RHBDF1: variants seen among roughly 807,000 people sequenced by gnomAD.
RHBDF1 encodes the protein inactive rhomboid protein 1.
RHBDF1 carries 80 observed loss-of-function variants against 98.6 expected under a neutral mutation model. The ratio of observed to expected loss-of-function variants is 0.81; its 90% CI spans 0.68 to 0.98. The LOEUF (loss-of-function observed/expected upper bound fraction) is 0.98. Ranked by LOEUF, RHBDF1 falls within the 50% of genes least tolerant of loss-of-function variation. The pLI is 0.00. For synonymous variants in RHBDF1, 512 were observed against 486.8 expected (o/e 1.05, Z -0.68); for missense variants, 1,116 against 1,198.3 (o/e 0.93, Z 1.01).
At chr16:69,574 T>G (rs1897918619) in intron 1 of RHBDF1, among the ~76,000 whole-genome samples, 1 of 151,988 alleles carries the variant, frequency 6.6e-6, no homozygotes, top group Admixed American at 6.6e-5. Context: ...AGCTCAATCC[T>G]AGATCTCCCT....
intron 1 of RHBDF1, among the ~76,000 whole-genome samples, chr16:67,909 G>T (rs571510825): frequency 6.6e-6 from 1 of 152,240 alleles, no homozygotes; most frequent in South Asian, 2.1e-4. Flanking sequence ...GAACAGTCAG[G>T]GGGTGAGAAG....
intron 13 of RHBDF1, 155 bp downstream of exon 13, chr16:60,061 T>C: frequency 6.7e-7 from 1 of 1,496,684 alleles, no homozygotes; most frequent in Non-Finnish European, 8.9e-7. Flanking sequence ...CAGGCGCTGG[T>C]TGATGGACAG....
At chr16:74,032 A>C (rs1898041265), upstream of RHBDF1, 4 of 722,866 alleles carry the variant, frequency 5.5e-6, no homozygotes, top group Non-Finnish European at 6.8e-6. Flanking sequence ...ATATCAACAC[A>C]ATTCTCATGT....
At position 64,066 on chromosome 16, in the gene RHBDF1, G is replaced by A. The variant is rs868823931; in HGVS notation, c.249-266C>T. Reference sequence around the variant, plus strand: ...GGCCCTCACCCCACCATCCCTGAGGGGCAGTTGAGGGGAGGCACTGAGTCC... The same window carrying A: ...GGCCCTCACCCCACCATCCCTGAGGAGCAGTTGAGGGGAGGCACTGAGTCC... On this transcript the variant is annotated intron_variant, in intron 3 of 17. Coordinates refer to ENST00000262316, the MANE Select transcript of RHBDF1 (RefSeq NM_022450.5). 7.0e-5 allele frequency: 45 copies of A among 642,934 alleles called. 2 individuals carry two copies. The highest frequency in any genetic ancestry group is 6.6e-4 in the South Asian group (37 of 55,890). The allele number at this position is 642,934 out of a possible 1,614,324, so 39.8% of individuals were successfully genotyped here. A position where few individuals can be genotyped will look rare whatever the true frequency, so the allele number is the denominator to read the frequency against.
rs1897598850 is a variant in RHBDF1 at position 61,141 on chromosome 16, C to G, written c.1536G>C (p.Gln512His). ...CVRNDRSGCV[Q>H]TSEEECSSTL... is the part of the protein sequence containing the mutation. ...GCACCGAGCACTCCTCCTCCGAGGT[C>G]TGCACGCAGCCCGACCTGTCGTTGC... Residue 512 changes from glutamine (Q) to histidine (H), a missense_variant, in exon 11 of 18, where the codon CAG becomes CAC. By Grantham distance (24) the Gln-to-His change is conservative (BLOSUM62 0). Coordinates refer to ENST00000262316, the MANE Select transcript of RHBDF1 (RefSeq NM_022450.5). 9 of 1,536,050 alleles carry G rather than the reference C, an allele frequency of 5.9e-6. 1 individual carries two copies. Among genetic ancestry groups the G allele is most frequent in the Non-Finnish European group, 7.0e-6 (8 of 1,144,038 alleles).
At position 61,661 on chromosome 16, in the gene RHBDF1, G is replaced by A. The variant is rs748753668; in HGVS notation, c.1244C>T (p.Ser415Leu). 2.5e-5 allele frequency: 41 copies of A among 1,613,394 alleles called. No homozygotes were observed. In the Admixed American group the frequency reaches 6.3e-4, roughly 25 times the overall value. Reference protein sequence around the residue: ...FFTYWLTFVHSLVTILAVCIY... With the variant: ...FFTYWLTFVHLLVTILAVCIY... The stretch of plus-strand genomic sequence containing the variant: ...GCACACGGCTAGGATGGTGACGAGC[G>A]AGTGCACGAAGGTAAGCCAGTAGGT... Residue 415 changes from serine (S) to leucine (L), a missense_variant, in exon 9 of 18, where the codon TCG (serine) becomes TTG (leucine). Transcript: ENST00000262316.
In RHBDF1 at chr16:59,845, C is replaced by G; in HGVS notation, c.1723-19G>C. The G allele has an allele frequency of 6.2e-7, 1 of 1,613,954 alleles. No homozygotes were observed. Among genetic ancestry groups the G allele is most frequent in the Non-Finnish European group, 8.5e-7 (1 of 1,179,956 alleles). On this transcript the variant is annotated intron_variant, in intron 13 of 17. Transcript: ENST00000262316. The stretch of plus-strand genomic sequence containing the variant: ...TGCAGATCTGGGTCACAAATGAGGA[C>G]GAGCTGAGTCAGGGCCTCCCCCAAC...
chr16:59,232 C>T lies in RHBDF1; in HGVS notation c.1994+17G>A. ...GAGGGCCCTGAGACCCCCGACCCGG[C>T]CCACAGTGTCACTTGCCCGGCGTGC... On this transcript the variant is annotated intron_variant, in intron 16 of 17. Transcript: ENST00000262316. 1 of 1,593,208 alleles carries T rather than the reference C, an allele frequency of 6.3e-7. No individual in the cohort carries two copies. The highest frequency in any genetic ancestry group is 8.6e-7 in the Non-Finnish European group (1 of 1,167,308).
At chr16:73,181 A>G (rs1402476518), upstream of RHBDF1, among the ~76,000 whole-genome samples, 1 of 152,036 alleles carries the variant, frequency 6.6e-6, no homozygotes, top group African/African-American at 2.4e-5. Context: ...ACGTGCTCAC[A>G]TGCACCCACC....
At chr16:59,588 T>C (rs1160548380) in intron 14 of RHBDF1, 94 bp from the exon 15 acceptor site, 1 of 1,485,012 alleles carries the variant, frequency 6.7e-7, no homozygotes, top group East Asian at 2.3e-5. Flanking sequence ...CCCACCTTTG[T>C]TGGCCCCAAG....
rs773722303 is a variant in RHBDF1, at chr16:58,385, A to G, written c.2523T>C (p.Thr841=). The G allele has an allele frequency of 6.2e-7, 1 of 1,613,810 alleles. No homozygotes were observed. Among genetic ancestry groups the G allele is most frequent in the South Asian group, 1.1e-5 (1 of 91,082 alleles). The change falls in exon 18 of 18, where the codon ACT becomes ACC. Residue 841 remains threonine, a synonymous_variant. Transcript: ENST00000262316. ...WCEFLTCIPF[T]DKFCEKYELD... ...GTTCGTACTTCTCACAGAACTTGTC[A>G]GTGAAGGGGATGCAGGTGAGGAACT...
intron 1 of RHBDF1, among the ~76,000 whole-genome samples, chr16:68,339 CGTG>C (rs1180094490): frequency 6.6e-6 from 1 of 152,198 alleles, no homozygotes; most frequent in Non-Finnish European, 1.5e-5. Context: ...CCGGAGTAGG[CGTG>C]GGGAGGGGCA....
chr16:62,748 T>TC (rs1897684975), intron 6 of RHBDF1, 27 bp downstream of exon 6: 1 of 1,613,574 alleles, frequency 6.2e-7, no homozygotes, highest in African/African-American at 1.3e-5. Flanking sequence ...GAACGTGGGG[T>TC]GGGGGGACAC....
At chr16:68,471 CG>C (rs922144983) in intron 1 of RHBDF1, among the ~76,000 whole-genome samples, 9 of 152,208 alleles carry the variant, frequency 5.9e-5, no homozygotes, top group Non-Finnish European at 7.4e-5. Flanking sequence ...GAAAGCCCCT[CG>C]GGGGGATCCA....
In RHBDF1 at chr16:64,775, G is replaced by A. The variant is rs147906988; in HGVS notation, c.172C>T (p.His58Tyr). 7.6e-4 allele frequency: 1,223 copies of A among 1,614,068 alleles called. 9 individuals are homozygous for A. In the African/African-American group the frequency reaches 0.013, roughly 18 times the overall value. Reference sequence around the variant, plus strand: ...AGCTCATGGTGGGGTGAAGAGATGTGGGCTGTCTCGGCTGGCATACTCACA... The same window carrying A: ...AGCTCATGGTGGGGTGAAGAGATGTAGGCTGTCTCGGCTGGCATACTCACA... Reference protein sequence around the residue: ...RSVSMPAETAHISSPHHELRR... With the variant: ...RSVSMPAETAYISSPHHELRR... The change falls in exon 3 of 18, where the codon CAC becomes TAC. Residue 58 changes from histidine (H) to tyrosine (Y), a missense_variant. Coordinates refer to ENST00000262316, the MANE Select transcript of RHBDF1 (RefSeq NM_022450.5).
intron 1 of RHBDF1, among the ~76,000 whole-genome samples, chr16:69,427 G>A (rs1033670220): frequency 6.6e-6 from 1 of 152,126 alleles, no homozygotes; most frequent in Non-Finnish European, 1.5e-5. Context: ...CTGGAGCAAG[G>A]GGCCTCACCC....
At chr16:75,131 A>G (rs1413596825), upstream of RHBDF1, among the ~76,000 whole-genome samples, 1 of 151,944 alleles carries the variant, frequency 6.6e-6, no homozygotes, top group East Asian at 1.9e-4. Flanking sequence ...AGCCCCCTAT[A>G]CGGAAACCCA....
At position 65,051 on chromosome 16, in the gene RHBDF1, G is replaced by C. The variant is rs200340397; in HGVS notation, c.-24-12C>G. ...AGAGCAAGGCAGGCCTGCGGGGCAT[G>C]GTGTGTTATTCAATAATGACAAAGC... On this transcript the variant is annotated splice_polypyrimidine_tract_variant and intron_variant, in intron 1 of 17. Coordinates refer to ENST00000262316, the MANE Select transcript of RHBDF1 (RefSeq NM_022450.5). 20 of 1,494,360 alleles carry C rather than the reference G, an allele frequency of 1.3e-5. 1 individual carries two copies. The East Asian group carries it at 3.7e-4, about 28-fold the overall frequency. 92.6% of individuals were successfully genotyped at this position (1,494,360 alleles called of 1,614,324 possible).
chr16:58,793 G>C, intron 17 of RHBDF1, 34 bp from the exon 18 acceptor site: 1 of 1,600,174 alleles, frequency 6.2e-7, no homozygotes, highest in Non-Finnish European at 8.5e-7. Context: ...TAAGGCAGTG[G>C]GGCTGGGCAG....
Sources: gnomAD v4.1 joint callset for allele counts (sites outside exome capture counted in the v4.1 genomes callset) on GRCh38, gnomAD v4.1.1 for gene constraint, MANE v1.5 for transcripts, NCBI Gene and HGNC (gene_info 2026-07-23, HGNC 2026-07-21) for gene names.